Variants in KSR1 observed in about 807,000 individuals in gnomAD.
The protein encoded by KSR1 is kinase suppressor of ras.
A neutral mutation model predicts 92.9 loss-of-function variants in KSR1; 35 were observed. The ratio of observed to expected loss-of-function variants is 0.38; its 90% CI spans 0.29 to 0.50. KSR1 has a LOEUF of 0.50. KSR1 is among the 20% of genes least tolerant of loss of function. The probability of loss-of-function intolerance (pLI) is 0.94; values close to 1 mark genes in which losing one functional copy is unlikely to be tolerated. For synonymous variants in KSR1, 467 were observed against 472.6 expected (o/e 0.99, Z 0.15); for missense variants, 972 against 1,158.5 (o/e 0.84, Z 2.34).
chr17:27,488,942 G>A (rs969737199), intron 1 of KSR1, among the ~76,000 whole-genome samples: 6 of 152,208 alleles, frequency 3.9e-5, no homozygotes, highest in South Asian at 2.1e-4. Context: ...CCAGCCTGGC[G>A]ACAGAGCAAG....
intron 1 of KSR1, among the ~76,000 whole-genome samples, chr17:27,502,836 T>TGGCTC (rs2069240089): frequency 1.3e-5 from 2 of 152,280 alleles, no homozygotes; most frequent in Admixed American, 1.3e-4. Context: ...GCCAAGCGAG[T>TGGCTC]GGCTCCCTTG....
chr17:27,526,466 A>C, intron 1 of KSR1: 1 of 1,589,372 alleles, frequency 6.3e-7, no homozygotes, highest in Non-Finnish European at 8.6e-7. Flanking sequence ...TTTTCCCAAT[A>C]CATCTTCTCT....
rs371731149 is a variant in KSR1 at position 27,605,738 on chromosome 17, G to A, written c.1919G>A (p.Arg640Gln). The A allele has an allele frequency of 7.2e-5, 116 of 1,612,650 alleles. No individual in the cohort carries two copies. Among genetic ancestry groups the A allele is most frequent in the Admixed American group, 4.0e-4 (24 of 59,976 alleles). The change falls in exon 14 of 21, where the codon CGG (arginine) becomes CAG (glutamine). Residue 640 changes from arginine to glutamine, a missense_variant. By Grantham distance (43) the Arg-to-Gln change is conservative. This residue lies in a region of KSR1 where 260 missense variants were observed against 375.2 expected (regional missense o/e 0.69). Transcript: ENST00000644974. ...TTCAAGAAAGAGGTGATGAACTACC[G>A]GCAGACGCGGCATGAGAACGTGGTG... The part of the protein sequence containing the change: ...KLFKKEVMNY[R>Q]QTRHENVVLF...
chr17:27,469,481 G>A (rs2019865617), intron 1 of KSR1, among the ~76,000 whole-genome samples: 1 of 152,132 alleles, frequency 6.6e-6, no homozygotes. Context: ...GCCAGGATGT[G>A]CGGGGACTCT....
At chr17:27,515,611 G>GTTTT (rs770675553) in intron 1 of KSR1, among the ~76,000 whole-genome samples, 3 of 109,034 alleles carry the variant, frequency 2.8e-5, no homozygotes, top group African/African-American at 3.4e-5. Context: ...CTGCTTCGTA[G>GTTTT]TTTTTTTTTT....
intron 1 of KSR1, among the ~76,000 whole-genome samples, chr17:27,506,775 A>G (rs553180102): frequency 6.1e-5 from 9 of 147,528 alleles, no homozygotes; most frequent in Admixed American, 2.8e-4. Flanking sequence ...GTCATGAGTC[A>G]TGGAAACCCC....
intron 9 of KSR1, among the ~76,000 whole-genome samples, chr17:27,595,425 G>A (rs573884522): frequency 4.7e-4 from 71 of 152,362 alleles, no homozygotes; most frequent in African/African-American, 1.5e-3. Flanking sequence ...GCGCAGTAAC[G>A]CTCTGACATA....
At chr17:27,478,507 T>G (rs2068411785) in intron 1 of KSR1, among the ~76,000 whole-genome samples, 1 of 152,146 alleles carries the variant, frequency 6.6e-6, no homozygotes, top group African/African-American at 2.4e-5. Flanking sequence ...ATTAAATGAA[T>G]ATGGTAGGTG....
chr17:27,521,874 T>A (rs2070050378), intron 1 of KSR1, among the ~76,000 whole-genome samples: 1 of 152,260 alleles, frequency 6.6e-6, no homozygotes. Flanking sequence ...ATGATGTTGA[T>A]GATAAAAATG....
Position 27,625,702 on chromosome 17 carries a change from A to G in KSR1, c.*2310A>G, listed in dbSNP as rs978548848. On this transcript the variant is annotated 3_prime_UTR_variant, in exon 21 of 21. Transcript: ENST00000644974. ...CTGCCCTTCTGTGTGCTCTCTCCAC[A>G]CGAAGGATGACAGATACTGTGAATT... 1 of 151,876 alleles carries G rather than the reference A, an allele frequency of 6.6e-6. No homozygotes were observed. Among genetic ancestry groups the G allele is most frequent in the Non-Finnish European group, 1.5e-5 (1 of 68,026 alleles). 9.4% of individuals were successfully genotyped at this position (151,876 alleles called of 1,614,324 possible).
At chr17:27,603,408 A>G (rs1303900047) in intron 11 of KSR1, among the ~76,000 whole-genome samples, 4 of 152,214 alleles carry the variant, frequency 2.6e-5, no homozygotes, top group Non-Finnish European at 5.9e-5. Context: ...AGGGAATCTC[A>G]TTAGTTTCAA....
intron 17 of KSR1, among the ~76,000 whole-genome samples, chr17:27,610,600 G>A (rs1222778143): frequency 6.6e-6 from 1 of 152,118 alleles, no homozygotes; most frequent in African/African-American, 2.4e-5. Context: ...CAAAGACCTG[G>A]GTGCTGACCA....
intron 3 of KSR1, among the ~76,000 whole-genome samples, 190 bp from the exon 4 acceptor site, chr17:27,582,456 T>G (rs2072800777): frequency 6.6e-6 from 1 of 152,160 alleles, no homozygotes; most frequent in Non-Finnish European, 1.5e-5. Flanking sequence ...GAGGGCCTCA[T>G]GGTTGGCTAG....
chr17:27,461,891 G>GCC (rs2019466707), intron 1 of KSR1, among the ~76,000 whole-genome samples: 2 of 152,244 alleles, frequency 1.3e-5, no homozygotes, highest in Non-Finnish European at 2.9e-5. Context: ...GATGGACCAT[G>GCC]CGGAGACGCT....
At position 27,623,605 on chromosome 17, in the gene KSR1, T is replaced by C; in HGVS notation, c.*213T>C. On this transcript the variant is annotated 3_prime_UTR_variant, in exon 21 of 21. Transcript: ENST00000644974. ...ATGACACCACCAACAACCAAACCTG[T>C]CATGACAGACAGCAAATGTTTACAC... 1 of 626,370 alleles carries C rather than the reference T, an allele frequency of 1.6e-6. No individual in the cohort carries two copies. The allele number at this position is 626,370 out of a possible 1,614,324, so 38.8% of individuals were successfully genotyped here.
rs114886398 is a variant in KSR1 at position 27,496,072 on chromosome 17, C to T, written c.231+39198C>T. Among the ~76,000 whole-genome samples the T allele has an allele frequency of 7.2e-3, 1,090 of 152,288 alleles. 11 individuals are homozygous for T. The highest frequency in any genetic ancestry group is 0.025 in the African/African-American group (1,052 of 41,546). ...CGCCGCAAGATCTGGCTTGTTGGGA[C>T]CTCATGGGCCAGTGGTCAGGCCCAG... is the stretch of plus-strand genomic sequence containing the variant. On this transcript the variant is annotated intron_variant, in intron 1 of 20. Coordinates refer to ENST00000644974, the MANE Select transcript of KSR1 (RefSeq NM_001394583.1).
chr17:27,542,488 C>T (rs1009479376), intron 1 of KSR1, among the ~76,000 whole-genome samples: 1 of 152,160 alleles, frequency 6.6e-6, no homozygotes, highest in Admixed American at 6.5e-5. Context: ...TATAATAGGC[C>T]TTGGCATCTG....
intron 1 of KSR1, among the ~76,000 whole-genome samples, chr17:27,510,023 C>T (rs1467203353): frequency 1.3e-5 from 2 of 152,128 alleles, no homozygotes; most frequent in African/African-American, 4.8e-5. Context: ...AGGGTAGTAC[C>T]CTAAGTGCCA....
chr17:27,564,752 T>G (rs914615864), intron 2 of KSR1, among the ~76,000 whole-genome samples: 3 of 66,960 alleles, frequency 4.5e-5, no homozygotes, highest in East Asian at 5.2e-4. Context: ...CCCCCCCACC[T>G]CCCCCACCCA....
Sources: gnomAD v4.1 joint callset for allele counts (sites outside exome capture counted in the v4.1 genomes callset) on GRCh38, gnomAD v4.1.1 for gene constraint, gnomAD v4.1.1 regional missense constraint, MANE v1.5 for transcripts, NCBI Gene and HGNC (gene_info 2026-07-23, HGNC 2026-07-21) for gene names.